The following MSRA variants were observed in gnomAD, a reference collection of about 807,000 sequenced individuals.
The protein encoded by MSRA is methionine sulfoxide reductase A.
MSRA carries 54 observed loss-of-function variants against 31.3 expected under a neutral mutation model. The observed-to-expected ratio is 1.73, with a 90% confidence interval of 1.39 to 2.17. The LOEUF is 2.17. MSRA is among the 30% of genes most tolerant of loss of function. The pLI is 0.00. For missense variants in MSRA, 507 were observed against 300.9 expected, an observed-to-expected ratio of 1.69 and a Z score of -5.07; for synonymous variants, 169 against 116.5, an observed-to-expected ratio of 1.45 and a Z score of -2.90.
In MSRA at chr8:10,197,552, A is replaced by G. The variant is rs191628004; in HGVS notation, c.143-10281A>G. 4.8e-3 allele frequency among the ~76,000 whole-genome samples: 727 copies of G among 152,214 alleles called. 5 individuals carry two copies. The highest frequency in any genetic ancestry group is 0.017 in the African/African-American group (688 of 41,528). On this transcript the variant is annotated intron_variant, in intron 1 of 5. Transcript: ENST00000317173. ...CCAGGGTTGTCTTTCCGTCTGTATC[A>G]CCACCAGTAAGCACTGTGCAAATAC...
At chr8:10,126,355 C>G (rs1286102123) in intron 1 of MSRA, among the ~76,000 whole-genome samples, 1 of 152,094 alleles carries the variant, frequency 6.6e-6, no homozygotes. Flanking sequence ...GTAAAAATCA[C>G]TCCAAAATTT....
intron 1 of MSRA, 79 bp downstream of exon 1, chr8:10,054,737 C>T: frequency 1.5e-6 from 2 of 1,365,612 alleles, no homozygotes; most frequent in Non-Finnish European, 9.5e-7. Context: ...GCGCCCGCTG[C>T]CCGGAAGGAA....
At chr8:10,115,013 A>G (rs977792855) in intron 1 of MSRA, among the ~76,000 whole-genome samples, 3 of 152,226 alleles carry the variant, frequency 2.0e-5, no homozygotes, top group Non-Finnish European at 4.4e-5. Flanking sequence ...TAGTTATTAA[A>G]CAGTGTAGTT....
chr8:10,076,141 C>G (rs542024688), intron 1 of MSRA, among the ~76,000 whole-genome samples: 1 of 152,194 alleles, frequency 6.6e-6, no homozygotes, highest in African/African-American at 2.4e-5. Flanking sequence ...ATTTGTAAAA[C>G]AGACAGTCGC....
intron 1 of MSRA, among the ~76,000 whole-genome samples, chr8:10,056,955 C>T (rs1468455239): frequency 6.6e-6 from 1 of 152,140 alleles, no homozygotes; most frequent in Non-Finnish European, 1.5e-5. Flanking sequence ...AGGTGTGTAC[C>T]ATTACCAAAT....
intron 1 of MSRA, among the ~76,000 whole-genome samples, chr8:10,110,147 A>T (rs1046851067): frequency 9.9e-5 from 15 of 152,098 alleles, no homozygotes; most frequent in Admixed American, 2.0e-4. Flanking sequence ...CAAGGCCCAC[A>T]TCTGGATTCT....
chr8:10,184,825 A>T (rs2129051344), intron 1 of MSRA, among the ~76,000 whole-genome samples: 1 of 152,324 alleles, frequency 6.6e-6, no homozygotes, highest in African/African-American at 2.4e-5. Flanking sequence ...CAGGATTCCT[A>T]CCTAGGTCTT....
chr8:10,229,257 T>C (rs185134799), intron 2 of MSRA, among the ~76,000 whole-genome samples: 119 of 152,116 alleles, frequency 7.8e-4, no homozygotes, highest in African/African-American at 2.7e-3. Context: ...GGTGAGAAGG[T>C]CAATATATGA....
chr8:10,119,336 G>A (rs1257671139), intron 1 of MSRA, among the ~76,000 whole-genome samples: 1 of 152,190 alleles, frequency 6.6e-6, no homozygotes, highest in East Asian at 1.9e-4. Flanking sequence ...GCAGAACGCT[G>A]TAGGATCCTG....
At chr8:10,225,180 C>G (rs994386848) in intron 2 of MSRA, among the ~76,000 whole-genome samples, 1 of 152,168 alleles carries the variant, frequency 6.6e-6, no homozygotes, top group African/African-American at 2.4e-5. Flanking sequence ...CTCACCCAAC[C>G]TGTGTTGAGG....
intron 4 of MSRA, among the ~76,000 whole-genome samples, chr8:10,306,697 A>T (rs943443361): frequency 2.0e-5 from 3 of 152,254 alleles, no homozygotes; most frequent in Middle Eastern, 6.8e-3. Context: ...TATCCTCCTA[A>T]CTAGAATGAC....
intron 5 of MSRA, among the ~76,000 whole-genome samples, chr8:10,385,816 G>A (rs1162087557): frequency 6.7e-6 from 1 of 148,170 alleles, no homozygotes; most frequent in African/African-American, 2.4e-5. Context: ...GGGGGGTGGG[G>A]TGTCTTCCTA....
At chr8:10,242,036 C>T (rs947053046) in intron 2 of MSRA, among the ~76,000 whole-genome samples, 1 of 151,996 alleles carries the variant, frequency 6.6e-6, no homozygotes, top group Non-Finnish European at 1.5e-5. Context: ...CTTTGGGAGG[C>T]GGAGGGGGGC....
intron 3 of MSRA, among the ~76,000 whole-genome samples, chr8:10,298,039 C>G (rs79117023): frequency 1.3e-5 from 2 of 152,274 alleles, no homozygotes; most frequent in East Asian, 3.9e-4. Flanking sequence ...CCGGTTGAAA[C>G]CTGGTTCGCG....
chr8:10,214,741 GGA>G (rs1321236576), intron 2 of MSRA, among the ~76,000 whole-genome samples: 3 of 152,170 alleles, frequency 2.0e-5, no homozygotes, highest in African/African-American at 7.2e-5. Context: ...TAGAACACTT[GGA>G]GAGATAAAAA....
At chr8:10,306,967 C>G (rs138105224) in intron 4 of MSRA, among the ~76,000 whole-genome samples, 1 of 152,302 alleles carries the variant, frequency 6.6e-6, no homozygotes, top group East Asian at 1.9e-4. Context: ...GCATTTAAAT[C>G]TGACCATAAC....
At chr8:10,083,722 T>C (rs1054048871) in intron 1 of MSRA, among the ~76,000 whole-genome samples, 2 of 152,344 alleles carry the variant, frequency 1.3e-5, no homozygotes, top group East Asian at 3.9e-4. Flanking sequence ...TCTGCTATCC[T>C]GTTTTTTTCC....
chr8:10,166,591 G>T (rs967340625), intron 1 of MSRA, among the ~76,000 whole-genome samples: 2 of 152,118 alleles, frequency 1.3e-5, no homozygotes, highest in African/African-American at 4.8e-5. Flanking sequence ...GTGTGTTGGA[G>T]AATTATATAA....
chr8:10,333,779 A>G (rs1022420061), intron 5 of MSRA, among the ~76,000 whole-genome samples: 1 of 148,778 alleles, frequency 6.7e-6, no homozygotes, highest in African/African-American at 2.5e-5. Context: ...TCTGACCCTT[A>G]TGAGAGTTTC....
Sources: gnomAD v4.1 joint callset for allele counts (sites outside exome capture counted in the v4.1 genomes callset) on GRCh38, gnomAD v4.1.1 for gene constraint, MANE v1.5 for transcripts, NCBI Gene and HGNC (gene_info 2026-07-23, HGNC 2026-07-21) for gene names.